Variants in CEP57L1 observed in about 807,000 individuals in gnomAD.
The protein encoded by CEP57L1 is centrosomal protein CEP57L1.
Under a neutral mutation model 61.0 loss-of-function variants are expected in CEP57L1, and 37 were observed. The observed-to-expected ratio is 0.61, with a 90% CI of 0.47 to 0.80. The LOEUF (loss-of-function observed/expected upper bound fraction) is 0.80, where lower values mean the gene tolerates loss of function less well. CEP57L1 is among the 30% of genes least tolerant of loss of function. The pLI is 0.00. For synonymous variants in CEP57L1, 137 were observed against 162.3 expected, an observed-to-expected ratio of 0.84 and a Z score of 1.19; for missense variants, 422 against 524.7, an observed-to-expected ratio of 0.80 and a Z score of 1.91.
At chr6:109,134,972 A>G (rs1428245381) in intron 1 of CEP57L1, among the ~76,000 whole-genome samples, 1 of 152,242 alleles carries the variant, frequency 6.6e-6, no homozygotes, top group Non-Finnish European at 1.5e-5. Flanking sequence ...CAATATCGTG[A>G]AAATGGCCAT....
Position 109,168,898 on chromosome 6 carries a change from C to CA in CEP57L1, c.*5929dup, listed in dbSNP as rs1209837840. ...GGCGTGAGCCACCATGCCTGGCCAG[C>CA]ATTTTTTAAATGATATAAAATAGTA... is the stretch of plus-strand genomic sequence containing the variant. On this transcript the variant is annotated 3_prime_UTR_variant, in exon 11 of 11. Coordinates refer to ENST00000517392, the MANE Select transcript of CEP57L1 (RefSeq NM_001271852.3). 1.3e-5 allele frequency among the ~76,000 whole-genome samples: 2 copies of CA among 150,198 alleles called. No homozygotes were observed. The highest frequency in any genetic ancestry group is 3.0e-5 in the Non-Finnish European group (2 of 67,686).
chr6:109,149,457 T>C (rs1212199938), intron 3 of CEP57L1, among the ~76,000 whole-genome samples: 11 of 152,232 alleles, frequency 7.2e-5, no homozygotes, highest in African/African-American at 2.4e-4. Flanking sequence ...CTGAGGGCTC[T>C]GTTCTGTTCC....
In CEP57L1 at chr6:109,155,252, A is replaced by G. The variant is rs200267461; in HGVS notation, c.602A>G (p.Glu201Gly). 1.8e-5 allele frequency: 28 copies of G among 1,594,274 alleles called. No homozygotes were observed. The South Asian group carries it at 2.5e-4, about 14-fold the overall frequency. The stretch of plus-strand genomic sequence containing the variant: ...CAGGACAAGATTAAACATTTAGAAG[A>G]AAAACTTAAGGAAGAAGAACATCAG... ...TAEDKIKHLE[E>G]KLKEEEHQRK... Residue 201 changes from glutamate to glycine, a missense_variant, in exon 6 of 11, where the codon GAA becomes GGA. Physicochemically the swap from Glu to Gly is moderately conservative, Grantham distance 98. Coordinates refer to ENST00000517392, the MANE Select transcript of CEP57L1 (RefSeq NM_001271852.3).
chr6:109,096,923 C>T (rs1191299111), intron 1 of CEP57L1, among the ~76,000 whole-genome samples: 1 of 152,198 alleles, frequency 6.6e-6, no homozygotes, highest in Non-Finnish European at 1.5e-5. Context: ...ACCTATGACT[C>T]TCAAATGAAT....
chr6:109,154,898 C>G (rs954701456), intron 5 of CEP57L1, among the ~76,000 whole-genome samples: 4 of 151,928 alleles, frequency 2.6e-5, no homozygotes, highest in African/African-American at 9.7e-5. Flanking sequence ...AGACCCAAGA[C>G]TATAATTGTT....
rs1354487982 is a variant in CEP57L1, at chr6:109,169,370, G to A, written c.*6400G>A. On this transcript the variant is annotated 3_prime_UTR_variant, in exon 11 of 11. Coordinates refer to ENST00000517392, the MANE Select transcript of CEP57L1 (RefSeq NM_001271852.3). ...GGAAGAAAAAGTTGGCTTTTAATAA[G>A]TATTCAGTGAGAATGAATTTGAAGG... 2.0e-5 allele frequency among the ~76,000 whole-genome samples: 3 copies of A among 151,958 alleles called. No individual in the cohort carries two copies. Among genetic ancestry groups the A allele is most frequent in the Non-Finnish European group, 4.4e-5 (3 of 67,998 alleles).
intron 1 of CEP57L1, among the ~76,000 whole-genome samples, chr6:109,131,067 A>C (rs962284578): frequency 1.3e-5 from 2 of 152,208 alleles, no homozygotes; most frequent in African/African-American, 4.8e-5. Context: ...ATATCTATCA[A>C]GGAATGTTTT....
At chr6:109,116,463 A>G (rs915520667) in intron 1 of CEP57L1, among the ~76,000 whole-genome samples, 1 of 152,200 alleles carries the variant, frequency 6.6e-6, no homozygotes, top group Non-Finnish European at 1.5e-5. Flanking sequence ...GGAGTGAGCC[A>G]CGGCGCCCAG....
At chr6:109,138,608 T>C (rs1473666209) in intron 1 of CEP57L1, among the ~76,000 whole-genome samples, 2 of 152,234 alleles carry the variant, frequency 1.3e-5, no homozygotes, top group Non-Finnish European at 2.9e-5. Context: ...AAAAGTGTTA[T>C]TGGTTTATAT....
rs137881989 is a variant in CEP57L1 at position 109,111,861 on chromosome 6, A to C, written c.-4+16286A>C. 8.3e-3 allele frequency among the ~76,000 whole-genome samples: 1,265 copies of C among 152,316 alleles called. 24 individuals carry two copies. Among genetic ancestry groups the C allele is most frequent in the African/African-American group, 0.029 (1,214 of 41,578 alleles). On this transcript the variant is annotated intron_variant, in intron 1 of 10. Transcript: ENST00000517392. ...GTGTATGTTGAACCAGCCTTGCATC[A>C]CAGGGATGAAGCCAACTTGATCGTG...
chr6:109,140,925 G>A (rs977078840), intron 1 of CEP57L1, among the ~76,000 whole-genome samples: 1 of 151,578 alleles, frequency 6.6e-6, no homozygotes, highest in Non-Finnish European at 1.5e-5. Flanking sequence ...CCGCCTCCCG[G>A]GTTGACGCCA....
At chr6:109,160,026 G>C (rs1204556628) in intron 9 of CEP57L1, among the ~76,000 whole-genome samples, 2 of 152,180 alleles carry the variant, frequency 1.3e-5, no homozygotes, top group Non-Finnish European at 2.9e-5. Context: ...CTATAGTAAA[G>C]AAGATTTCCA....
intron 7 of CEP57L1, chr6:109,156,547 G>C (rs769575147): frequency 6.6e-6 from 1 of 151,952 alleles, no homozygotes; most frequent in Admixed American, 6.6e-5. Context: ...ATATATAATG[G>C]TATGAAAAAA....
chr6:109,113,599 A>C (rs1486987064), intron 1 of CEP57L1, among the ~76,000 whole-genome samples: 1 of 152,168 alleles, frequency 6.6e-6, no homozygotes, highest in Non-Finnish European at 1.5e-5. Flanking sequence ...GATGTCAAAG[A>C]TTATAAGTCA....
Position 109,097,626 on chromosome 6 carries a change from G to C in CEP57L1, c.-4+2051G>C, listed in dbSNP as rs1583321581. Among the ~76,000 whole-genome samples, 5 of 152,094 alleles carry C rather than the reference G, an allele frequency of 3.3e-5. No homozygotes were observed. The South Asian group carries it at 1.0e-3, about 32-fold the overall frequency. On this transcript the variant is annotated intron_variant, in intron 1 of 10. Coordinates refer to ENST00000517392, the MANE Select transcript of CEP57L1 (RefSeq NM_001271852.3). ...ACCACAATATATAAAAATTCCTACT[G>C]TCATAGAGCTTGCATTCTACTGAGG...
chr6:109,101,602 C>A (rs1782407908), intron 1 of CEP57L1, among the ~76,000 whole-genome samples: 1 of 151,060 alleles, frequency 6.6e-6, no homozygotes, highest in Non-Finnish European at 1.5e-5. Context: ...AAACTCACAG[C>A]TGTTTTTCTT....
At chr6:109,099,464 G>T (rs912805755) in intron 1 of CEP57L1, among the ~76,000 whole-genome samples, 5 of 152,152 alleles carry the variant, frequency 3.3e-5, no homozygotes, top group Admixed American at 3.3e-4. Flanking sequence ...CAACATGGAG[G>T]TCATTGGGAT....
chr6:109,129,311 A>T (rs1773925140), intron 1 of CEP57L1: 2 of 1,062,358 alleles, frequency 1.9e-6, no homozygotes, highest in Admixed American at 3.8e-5. Context: ...TAGAAAATGG[A>T]TCCTCACTTC....
In CEP57L1 at chr6:109,157,291, G is replaced by A. The variant is rs934936873; in HGVS notation, c.744+1414G>A. 1.1e-4 allele frequency: 17 copies of A among 152,280 alleles called. 1 individual carries two copies. The highest frequency in any genetic ancestry group is 4.1e-4 in the African/African-American group (17 of 41,562). The allele number at this position is 152,280 out of a possible 1,614,324, so 9.4% of individuals were successfully genotyped here. On this transcript the variant is annotated intron_variant, in intron 7 of 10. Coordinates refer to ENST00000517392, the MANE Select transcript of CEP57L1 (RefSeq NM_001271852.3). Reference sequence around the variant, plus strand: ...ATCAGATTTCAAGAAGCCTCTATGAGAGATCTGCTTCCCATCACACTGTTT... The same window carrying A: ...ATCAGATTTCAAGAAGCCTCTATGAAAGATCTGCTTCCCATCACACTGTTT...
Sources: gnomAD v4.1 joint callset for allele counts (sites outside exome capture counted in the v4.1 genomes callset) on GRCh38, gnomAD v4.1.1 for gene constraint, MANE v1.5 for transcripts, NCBI Gene and HGNC (gene_info 2026-07-23, HGNC 2026-07-21) for gene names.